GRB10: variants seen among roughly 807,000 people sequenced by gnomAD.
GRB10 encodes growth factor receptor bound protein 10.
In GRB10, 20 loss-of-function variants were observed where a neutral mutation model predicts 80.9. The ratio of observed to expected loss-of-function variants is 0.25; its 90% CI spans 0.17 to 0.36. GRB10 has a LOEUF of 0.36. GRB10 is among the 10% of genes least tolerant of loss of function. The pLI is 1.00. For synonymous variants in GRB10, 291 were observed against 291.5 expected (o/e 1.00, Z 0.02); for missense variants, 548 against 747.7 (o/e 0.73, Z 3.12).
chr7:50,725,170 G>A (rs1243256617), intron 4 of GRB10, among the ~76,000 whole-genome samples: 1 of 152,206 alleles, frequency 6.6e-6, no homozygotes, highest in Non-Finnish European at 1.5e-5. Flanking sequence ...CCTGGTGGTA[G>A]GTGACGGGAT....
At chr7:50,729,337 C>T (rs1352878941) in intron 4 of GRB10, 5 of 152,244 alleles carry the variant, frequency 3.3e-5, no homozygotes, top group Admixed American at 6.5e-5. Flanking sequence ...TTCTAATGCT[C>T]AGTTCAACAT....
At chr7:50,679,374 A>G (rs1008770471) in intron 5 of GRB10, among the ~76,000 whole-genome samples, 1 of 152,116 alleles carries the variant, frequency 6.6e-6, no homozygotes, top group Non-Finnish European at 1.5e-5. Flanking sequence ...GGACAGAGAA[A>G]CTCCGGGGAC....
At chr7:50,751,483 G>C (rs900905458) in intron 3 of GRB10, among the ~76,000 whole-genome samples, 17 of 152,126 alleles carry the variant, frequency 1.1e-4, no homozygotes, top group Admixed American at 1.1e-3. Context: ...CCAGGGGCCA[G>C]ATAAAATAAA....
intron 5 of GRB10, among the ~76,000 whole-genome samples, chr7:50,683,471 TCACGCCTGTAATCCCAG>T (rs2061755148): frequency 6.6e-6 from 1 of 152,238 alleles, no homozygotes; most frequent in Non-Finnish European, 1.5e-5. Flanking sequence ...GAGCAGTGGC[TCACGCCTGTAATCCCAG>T]CACTTTGGGA....
chr7:50,623,430 C>A (rs1439688231), intron 8 of GRB10, among the ~76,000 whole-genome samples: 6 of 152,262 alleles, frequency 3.9e-5, no homozygotes, highest in Non-Finnish European at 4.4e-5. Flanking sequence ...GAAGGGCCAC[C>A]TGACCTCAGT....
chr7:50,620,873 G>C (rs2051584949), intron 8 of GRB10, among the ~76,000 whole-genome samples: 1 of 152,110 alleles, frequency 6.6e-6, no homozygotes, highest in African/African-American at 2.4e-5. Context: ...TTTATTCAGA[G>C]AAAAATGTCT....
At chr7:50,649,355 C>T (rs1197157203) in intron 7 of GRB10, among the ~76,000 whole-genome samples, 2 of 152,174 alleles carry the variant, frequency 1.3e-5, no homozygotes, top group East Asian at 3.9e-4. Flanking sequence ...GAACTGACAC[C>T]TGAATGATGA....
In GRB10 at chr7:50,674,473, C is replaced by A. The variant is rs771516787; in HGVS notation, c.325G>T (p.Val109Leu). ...IQPQVSPRQRVQRSQPVHILA... is the reference protein window; with the variant it reads ...IQPQVSPRQRLQRSQPVHILA... ...ATGTGCACAGGCTGGGAGCGCTGCACCCTCTGCCTCGGGGACACCTGTGGC... is the reference window on the plus strand; with the variant it reads ...ATGTGCACAGGCTGGGAGCGCTGCAACCTCTGCCTCGGGGACACCTGTGGC... The change falls in exon 6 of 19, where the codon GTG (valine) becomes TTG (leucine). Residue 109 changes from valine (V) to leucine (L), a missense_variant. Val to Leu is a conservative substitution (Grantham distance 32). This residue lies in a region of GRB10 where 245 missense variants were observed against 229.3 expected (regional missense o/e 1.07). Coordinates refer to ENST00000401949, the MANE Select transcript of GRB10 (RefSeq NM_001350814.2). The A allele has an allele frequency of 1.2e-6, 2 of 1,607,696 alleles. No individual in the cohort carries two copies. The highest frequency in any genetic ancestry group is 4.5e-5 in the East Asian group (2 of 44,880).
intron 5 of GRB10, among the ~76,000 whole-genome samples, chr7:50,700,795 G>GAAT (rs1445714068): frequency 2.0e-5 from 3 of 152,234 alleles, no homozygotes; most frequent in Non-Finnish European, 4.4e-5. Context: ...TTATGTTGAC[G>GAAT]TCTGATTTAT....
intron 4 of GRB10, among the ~76,000 whole-genome samples, chr7:50,706,608 C>T (rs1055548201): frequency 5.9e-5 from 9 of 152,214 alleles, no homozygotes; most frequent in Non-Finnish European, 2.9e-5. Flanking sequence ...GCAGTGGCCC[C>T]ACCCTGTGGT....
chr7:50,750,329 T>C (rs1278403541), intron 3 of GRB10, among the ~76,000 whole-genome samples: 1 of 152,242 alleles, frequency 6.6e-6, no homozygotes, highest in South Asian at 2.1e-4. Flanking sequence ...ACCACTCATA[T>C]ATAAAACCTT....
intron 6 of GRB10, among the ~76,000 whole-genome samples, chr7:50,672,337 G>C (rs753544443): frequency 2.6e-5 from 4 of 152,182 alleles, no homozygotes; most frequent in Admixed American, 6.5e-5. Flanking sequence ...GGGAAGCGAG[G>C]GTAACCCACA....
At chr7:50,631,751 A>C (rs1449419736) in intron 7 of GRB10, among the ~76,000 whole-genome samples, 1 of 152,224 alleles carries the variant, frequency 6.6e-6, no homozygotes. Context: ...TTGAGGAGAA[A>C]GCAGGAAGAC....
intron 3 of GRB10, among the ~76,000 whole-genome samples, chr7:50,736,940 GAAGTA>G (rs1387925278): frequency 6.6e-6 from 1 of 152,086 alleles, no homozygotes; most frequent in East Asian, 1.9e-4. Flanking sequence ...AAAACTCTTA[GAAGTA>G]AAGACAGGGA....
intron 5 of GRB10, among the ~76,000 whole-genome samples, chr7:50,698,803 G>C (rs2063774456): frequency 6.6e-6 from 1 of 152,174 alleles, no homozygotes. Context: ...TCTTATTAAA[G>C]TTAGGAAACA....
chr7:50,764,123 C>T lies in GRB10; in HGVS notation c.-216-8067G>A, dbSNP rs547430024. ...CTTGTATTTGGAATTTTTTCAAACA[C>T]CTGTGGCCCCAGCTGCCTTCCACCT... is the stretch of plus-strand genomic sequence containing the variant. On this transcript the variant is annotated intron_variant, in intron 2 of 18. Coordinates refer to ENST00000401949, the MANE Select transcript of GRB10 (RefSeq NM_001350814.2). 4.0e-5 allele frequency among the ~76,000 whole-genome samples: 6 copies of T among 151,678 alleles called. No individual in the cohort carries two copies. The South Asian group carries it at 6.2e-4, about 16-fold the overall frequency.
At chr7:50,743,238 C>T (rs2072221428) in intron 3 of GRB10, among the ~76,000 whole-genome samples, 1 of 152,192 alleles carries the variant, frequency 6.6e-6, no homozygotes, top group African/African-American at 2.4e-5. Context: ...TATATGTGAC[C>T]ATAGGTATGA....
At chr7:50,626,683 A>T in intron 8 of GRB10, 139 bp downstream of exon 8, 1 of 898,104 alleles carries the variant, frequency 1.1e-6, no homozygotes, top group Non-Finnish European at 1.8e-6. Context: ...GAAACAGGAG[A>T]GTCGAGGGGA....
intron 2 of GRB10, among the ~76,000 whole-genome samples, chr7:50,776,264 A>G (rs899438363): frequency 6.6e-6 from 1 of 152,146 alleles, no homozygotes; most frequent in Non-Finnish European, 1.5e-5. Flanking sequence ...CGCAGGCTAG[A>G]GCGCAGCAGC....
Sources: allele counts gnomAD v4.1 joint callset (sites outside exome capture counted in the v4.1 genomes callset), GRCh38; gene constraint gnomAD v4.1.1; regional missense constraint gnomAD v4.1.1; transcripts MANE v1.5; gene names NCBI Gene and HGNC (gene_info 2026-07-23, HGNC 2026-07-21).